GALNT17: variants seen among roughly 807,000 people sequenced by gnomAD.
GALNT17 encodes the protein UDP-GalNAc:polypeptide N-acetylgalactosaminyltransferase-like 3.
A neutral mutation model predicts 63.7 loss-of-function variants in GALNT17; 29 were observed. The ratio of observed to expected loss-of-function variants is 0.46; its 90% CI spans 0.34 to 0.62. The LOEUF is 0.62. Among genes scored for constraint, GALNT17 ranks in the 20% least tolerant of loss-of-function variants. The pLI is 0.01. For synonymous variants in GALNT17, 305 were observed against 318.3 expected (o/e 0.96, Z 0.45); for missense variants, 603 against 799.6 (o/e 0.75, Z 2.97).
intron 2 of GALNT17, among the ~76,000 whole-genome samples, chr7:71,356,675 C>T (rs1400847848): frequency 1.3e-5 from 2 of 152,170 alleles, no homozygotes; most frequent in African/African-American, 4.8e-5. Context: ...GAGCGGTCGG[C>T]CCCATGACCC....
intron 1 of GALNT17, among the ~76,000 whole-genome samples, chr7:71,333,287 A>G (rs1791838911): frequency 6.6e-6 from 1 of 152,240 alleles, no homozygotes; most frequent in Non-Finnish European, 1.5e-5. Flanking sequence ...TTTACTTGTC[A>G]TAACATTTTC....
intron 6 of GALNT17, among the ~76,000 whole-genome samples, chr7:71,614,033 G>A (rs1236309658): frequency 1.3e-5 from 2 of 151,992 alleles, no homozygotes; most frequent in African/African-American, 2.4e-5. Context: ...CTCACTACAA[G>A]ACCTATTACT....
intron 1 of GALNT17, among the ~76,000 whole-genome samples, chr7:71,247,537 A>G (rs766396907): frequency 1.6e-4 from 25 of 151,984 alleles, no homozygotes; most frequent in Non-Finnish European, 3.1e-4. Context: ...GCTCACTGCA[A>G]CCTCTGCCTC....
intron 1 of GALNT17, among the ~76,000 whole-genome samples, chr7:71,192,456 T>C (rs1206144171): frequency 6.6e-6 from 1 of 151,882 alleles, no homozygotes; most frequent in African/African-American, 2.4e-5. Flanking sequence ...AATGCAGTGA[T>C]GCAATCTCAG....
At chr7:71,239,805 G>A (rs888025994) in intron 1 of GALNT17, among the ~76,000 whole-genome samples, 9 of 152,188 alleles carry the variant, frequency 5.9e-5, no homozygotes, top group Non-Finnish European at 1.0e-4. Context: ...CTCACACTCT[G>A]AAATTTAAGC....
intron 6 of GALNT17, among the ~76,000 whole-genome samples, chr7:71,606,329 C>A (rs1458860179): frequency 6.6e-6 from 1 of 152,150 alleles, no homozygotes; most frequent in Non-Finnish European, 1.5e-5. Flanking sequence ...GTTACTCACC[C>A]CATTCCGAAT....
In GALNT17 at chr7:71,318,393, C is replaced by T. The variant is rs1394229489; in HGVS notation, c.239-17157C>T. On this transcript the variant is annotated intron_variant, in intron 1 of 10. Coordinates refer to ENST00000333538, the MANE Select transcript of GALNT17 (RefSeq NM_022479.3). Reference sequence around the variant, plus strand: ...AAGAGCAGCTGAGGCATTCTTCCTACGACCATTCCCTGAAGCTCTTTTTTT... The same window carrying T: ...AAGAGCAGCTGAGGCATTCTTCCTATGACCATTCCCTGAAGCTCTTTTTTT... Among the ~76,000 whole-genome samples the T allele has an allele frequency of 4.6e-5, 7 of 150,542 alleles. 1 individual carries two copies. The highest frequency in any genetic ancestry group is 4.2e-4 in the South Asian group (2 of 4,782).
rs2960874 is a variant in GALNT17 at position 71,395,431 on chromosome 7, C to A, written c.589+7030C>A. On this transcript the variant is annotated intron_variant, in intron 3 of 10. Coordinates refer to ENST00000333538, the MANE Select transcript of GALNT17 (RefSeq NM_022479.3). ...TATAAGTACTTCATTCTTTTTATGA[C>A]TGAATAATATTCTGAGTATAGATAC... Among the ~76,000 whole-genome samples the A allele has an allele frequency of 9.5e-3, 1,447 of 152,190 alleles. 24 individuals carry two copies. Among genetic ancestry groups the A allele is most frequent in the African/African-American group, 0.033 (1,380 of 41,520 alleles).
intron 1 of GALNT17, among the ~76,000 whole-genome samples, chr7:71,322,322 C>T (rs1302313077): frequency 3.3e-5 from 5 of 152,058 alleles, no homozygotes; most frequent in South Asian, 2.1e-4. Flanking sequence ...CTTTGTAGAG[C>T]AATTCCAGGA....
chr7:71,226,252 C>T (rs1244266748), intron 1 of GALNT17, among the ~76,000 whole-genome samples: 5 of 152,126 alleles, frequency 3.3e-5, no homozygotes, highest in Admixed American at 3.3e-4. Flanking sequence ...ATTTTGTGAA[C>T]TGTTAAGGTC....
In GALNT17 at chr7:71,160,754, C is replaced by T. The variant is rs1402324463; in HGVS notation, c.238+27714C>T. 4.6e-5 allele frequency among the ~76,000 whole-genome samples: 7 copies of T among 152,272 alleles called. No individual in the cohort carries two copies. The East Asian group carries it at 5.8e-4, about 13-fold the overall frequency. ...GATTACAGGCGTGAGCCACCGCGCACGGCCACGAACATCTTTATATATCAG... is the reference window on the plus strand; with the variant it reads ...GATTACAGGCGTGAGCCACCGCGCATGGCCACGAACATCTTTATATATCAG... On this transcript the variant is annotated intron_variant, in intron 1 of 10. Transcript: ENST00000333538.
chr7:71,647,859 G>A (rs1040769082), intron 6 of GALNT17, among the ~76,000 whole-genome samples: 1 of 152,222 alleles, frequency 6.6e-6, no homozygotes, highest in Non-Finnish European at 1.5e-5. Context: ...GGGCCGTCTA[G>A]TGAGACAACA....
chr7:71,239,289 G>T (rs1457631868), intron 1 of GALNT17, among the ~76,000 whole-genome samples: 1 of 132,448 alleles, frequency 7.6e-6, no homozygotes, highest in Non-Finnish European at 1.6e-5. Context: ...GTGAGACCCT[G>T]TCTGTACCCC....
chr7:71,149,776 C>T (rs893930910), intron 1 of GALNT17, among the ~76,000 whole-genome samples: 7 of 152,180 alleles, frequency 4.6e-5, no homozygotes, highest in East Asian at 1.9e-4. Flanking sequence ...TTCATTTGGG[C>T]GACTGTCAGC....
chr7:71,632,641 C>G (rs970715150), intron 6 of GALNT17, among the ~76,000 whole-genome samples: 3 of 152,076 alleles, frequency 2.0e-5, no homozygotes, highest in African/African-American at 7.2e-5. Context: ...ATGGAAAATA[C>G]AACCAGAATG....
rs11409175 is a variant in GALNT17, at chr7:71,512,014, C to CTTTT, written c.963-59257_963-59254dup. On this transcript the variant is annotated intron_variant, in intron 5 of 10. Transcript: ENST00000333538. ...TCAATGTACTAATTTGGGTTCCAGCCTTTTTTTTTTTTTTTTTGAGACAGA... is the reference window on the plus strand; with the variant it reads ...TCAATGTACTAATTTGGGTTCCAGCCTTTTTTTTTTTTTTTTTTTTTGAGACAGA... 3.9e-4 allele frequency among the ~76,000 whole-genome samples: 51 copies of CTTTT among 131,482 alleles called. 1 individual carries two copies. Among genetic ancestry groups the CTTTT allele is most frequent in the African/African-American group, 1.2e-3 (42 of 34,462 alleles). The allele number at this position is 131,482 out of a possible 152,430, so 86.3% of individuals were successfully genotyped here.
At chr7:71,699,765 C>G (rs774199144) in intron 9 of GALNT17, among the ~76,000 whole-genome samples, 1 of 147,998 alleles carries the variant, frequency 6.8e-6, no homozygotes, top group African/African-American at 2.5e-5. Context: ...GAGACCCTGT[C>G]TCTATGATTT....
At chr7:71,443,701 T>C (rs1787110008) in intron 5 of GALNT17, among the ~76,000 whole-genome samples, 1 of 151,512 alleles carries the variant, frequency 6.6e-6, no homozygotes, top group African/African-American at 2.4e-5. Context: ...CCTCTATTCT[T>C]CATAAATTAC....
chr7:71,599,666 C>T (rs560213498), intron 6 of GALNT17, among the ~76,000 whole-genome samples: 1 of 152,008 alleles, frequency 6.6e-6, no homozygotes, highest in East Asian at 2.0e-4. Context: ...ACATTGATAT[C>T]TGGTGGGTAG....
Sources: allele counts gnomAD v4.1 joint callset (sites outside exome capture counted in the v4.1 genomes callset), GRCh38; gene constraint gnomAD v4.1.1; transcripts MANE v1.5; gene names NCBI Gene and HGNC (gene_info 2026-07-23, HGNC 2026-07-21).